The following PITPNM2 variants were observed in gnomAD, a reference collection of about 807,000 sequenced individuals.
The protein encoded by PITPNM2 is phosphatidylinositol transfer protein membrane associated 2.
A neutral mutation model predicts 132.2 loss-of-function variants in PITPNM2; 35 were observed. The ratio of observed to expected loss-of-function variants is 0.26; its 90% CI spans 0.20 to 0.35. The LOEUF is 0.35. Among genes scored for constraint, PITPNM2 ranks in the 10% least tolerant of loss-of-function variants. PITPNM2 has a pLI of 1.00. For synonymous variants in PITPNM2, 738 were observed against 799.2 expected, an observed-to-expected ratio of 0.92 and a Z score of 1.29; for missense variants, 1,332 against 1,912.0, an observed-to-expected ratio of 0.70 and a Z score of 5.66.
intron 2 of PITPNM2, among the ~76,000 whole-genome samples, chr12:123,109,378 A>G (rs2042787418): frequency 6.6e-6 from 1 of 152,216 alleles, no homozygotes; most frequent in African/African-American, 2.4e-5. Flanking sequence ...TTGGGAGGCC[A>G]GGGGCTCCTG....
chr12:123,131,294 T>C (rs931249597), intron 1 of PITPNM2, among the ~76,000 whole-genome samples: 3 of 152,058 alleles, frequency 2.0e-5, no homozygotes, highest in Non-Finnish European at 4.4e-5. Flanking sequence ...GAGACAACCA[T>C]GTGACAACTT....
chr12:123,078,422 T>C lies in PITPNM2; in HGVS notation c.-96+31963A>G, dbSNP rs879660631. 1.3e-5 allele frequency among the ~76,000 whole-genome samples: 2 copies of C among 152,106 alleles called. No individual in the cohort carries two copies. Among genetic ancestry groups the C allele is most frequent in the Admixed American group, 6.5e-5 (1 of 15,270 alleles). ...GGCTTTCTCGCCTGGCTCGTGGTGC[T>C]CCGCTGCCCCAAGAGCCTGGGCCCT... On this transcript the variant is annotated intron_variant, in intron 2 of 25. Transcript: ENST00000320201. The surrounding 1 kb of genome is among the most constrained non-coding windows in gnomAD (Gnocchi z 7.3).
At chr12:123,147,856 C>T (rs1413582846) in intron 1 of PITPNM2, among the ~76,000 whole-genome samples, 1 of 152,172 alleles carries the variant, frequency 6.6e-6, no homozygotes, top group Non-Finnish European at 1.5e-5. Context: ...ACAACCTACC[C>T]TGCACAGTGT....
intron 1 of PITPNM2, among the ~76,000 whole-genome samples, chr12:123,146,934 G>A (rs1023403565): frequency 4.6e-5 from 7 of 152,138 alleles, no homozygotes; most frequent in African/African-American, 1.7e-4. Context: ...GGCCCTCCCA[G>A]CTCCAGTCTT....
chr12:123,058,337 C>T lies in PITPNM2; in HGVS notation c.-95-23652G>A, dbSNP rs2041112695. Reference sequence around the variant, plus strand: ...CTCTAATTTGCCTTCTGCCTCCATCCCTTTTGATTCTGGCCCTCACCAGCA... The same window carrying T: ...CTCTAATTTGCCTTCTGCCTCCATCTCTTTTGATTCTGGCCCTCACCAGCA... On this transcript the variant is annotated intron_variant, in intron 2 of 25. Transcript: ENST00000320201. The surrounding 1 kb of genome is among the most constrained non-coding windows in gnomAD (Gnocchi z 4.0). 6.6e-6 allele frequency among the ~76,000 whole-genome samples: 1 copy of T among 152,212 alleles called. No individual in the cohort carries two copies. The highest frequency in any genetic ancestry group is 2.1e-4 in the South Asian group (1 of 4,832).
rs149616234 is a variant in PITPNM2, at chr12:123,105,034, C to T, written c.-96+5351G>A. 1.2e-3 allele frequency among the ~76,000 whole-genome samples: 177 copies of T among 152,288 alleles called. 1 individual carries two copies. Among genetic ancestry groups the T allele is most frequent in the Middle Eastern group, 3.4e-3 (1 of 294 alleles). On this transcript the variant is annotated intron_variant, in intron 2 of 25. Coordinates refer to ENST00000320201, the MANE Select transcript of PITPNM2 (RefSeq NM_020845.3). The stretch of plus-strand genomic sequence containing the variant: ...CCCTCAATATTCTCTGACCTCCTCC[C>T]CTGCTTCTCTTCCCCTCATTCACTC...
chr12:123,149,368 C>T (rs1275019486), intron 1 of PITPNM2, among the ~76,000 whole-genome samples: 3 of 152,226 alleles, frequency 2.0e-5, no homozygotes, highest in African/African-American at 7.2e-5. Flanking sequence ...AGAAAAACAG[C>T]CCTTCCTAAC....
chr12:123,029,455 G>A (rs930697187), intron 3 of PITPNM2, among the ~76,000 whole-genome samples: 8 of 152,258 alleles, frequency 5.3e-5, no homozygotes, highest in African/African-American at 1.2e-4. Flanking sequence ...GCATGGAGGC[G>A]GGCACCTGTA....
intron 1 of PITPNM2, among the ~76,000 whole-genome samples, chr12:123,114,715 A>T (rs765989268): frequency 6.6e-6 from 1 of 152,034 alleles, no homozygotes; most frequent in Non-Finnish European, 1.5e-5. Flanking sequence ...TGGTTTCCCT[A>T]TCTAAAAAAG....
rs571590068 is a variant in PITPNM2 at position 123,078,479 on chromosome 12, TGAAGTCG to T, written c.-96+31899_-96+31905del. On this transcript the variant is annotated intron_variant, in intron 2 of 25. Transcript: ENST00000320201. This position sits in a 1 kb window ranked among gnomAD's most constrained non-coding sequence, Gnocchi z 7.3. ...CACGCCACGATGCCCAGCCAGAGCC[TGAAGTCG>T]GGACCCCAGAGACTAAAGTGACCCT... Among the ~76,000 whole-genome samples the T allele has an allele frequency of 1.2e-3, 188 of 152,312 alleles. 1 individual carries two copies. Among genetic ancestry groups the T allele is most frequent in the African/African-American group, 4.3e-3 (178 of 41,574 alleles).
At position 122,992,392 on chromosome 12, in the gene PITPNM2, G is replaced by T; in HGVS notation, c.2404+107C>A. 4 of 1,319,106 alleles carry T rather than the reference G, an allele frequency of 3.0e-6. No individual in the cohort carries two copies. Among genetic ancestry groups the T allele is most frequent in the Non-Finnish European group, 4.1e-6 (4 of 981,338 alleles). The allele number at this position is 1,319,106 out of a possible 1,614,324, so 81.7% of individuals were successfully genotyped here. Reference sequence around the variant, plus strand: ...CTCCAAGAGGCATTCAGCACAAGCTGTCCCTCTCACCTGGGGAAGAACCAC... The same window carrying T: ...CTCCAAGAGGCATTCAGCACAAGCTTTCCCTCTCACCTGGGGAAGAACCAC... On this transcript the variant is annotated intron_variant, in intron 16 of 25. Transcript: ENST00000320201. The surrounding 1 kb of genome is among the most constrained non-coding windows in gnomAD (Gnocchi z 6.5).
chr12:123,143,301 G>A (rs2043545756), intron 1 of PITPNM2, among the ~76,000 whole-genome samples: 1 of 152,166 alleles, frequency 6.6e-6, no homozygotes, highest in South Asian at 2.1e-4. Flanking sequence ...AATCCCAGGA[G>A]GACAACAGAA....
At chr12:123,027,645 G>A (rs564762933) in intron 3 of PITPNM2, among the ~76,000 whole-genome samples, 11 of 152,364 alleles carry the variant, frequency 7.2e-5, no homozygotes, top group Non-Finnish European at 1.5e-4. Flanking sequence ...TGATTCAGTC[G>A]GCTGTGGAGG....
chr12:123,072,516 C>T (rs2136919293), intron 2 of PITPNM2, among the ~76,000 whole-genome samples: 1 of 152,336 alleles, frequency 6.6e-6, no homozygotes, highest in East Asian at 1.9e-4. Context: ...CCAAGACACA[C>T]CTACCATTTG....
chr12:123,065,063 G>T (rs896781807), intron 2 of PITPNM2, among the ~76,000 whole-genome samples: 10 of 152,186 alleles, frequency 6.6e-5, no homozygotes, highest in Non-Finnish European at 1.3e-4. Flanking sequence ...CCCCCATTCT[G>T]CAGGCACTTG....
chr12:122,986,380 G>A (rs1259663477), intron 25 of PITPNM2, 30 bp from the exon 26 acceptor site: 1 of 1,574,766 alleles, frequency 6.4e-7, no homozygotes, highest in Non-Finnish European at 8.6e-7. Flanking sequence ...GGCTGTCACA[G>A]GCTGGGGCTC....
chr12:123,055,495 G>A (rs952936615), intron 2 of PITPNM2, among the ~76,000 whole-genome samples: 1 of 152,230 alleles, frequency 6.6e-6, no homozygotes, highest in Non-Finnish European at 1.5e-5. Context: ...CACCAAGCTG[G>A]CTGGGTGCTA....
intron 2 of PITPNM2, among the ~76,000 whole-genome samples, chr12:123,059,723 G>C (rs2041170161): frequency 6.6e-6 from 1 of 152,208 alleles, no homozygotes; most frequent in East Asian, 1.9e-4. Context: ...CCAGAGTCTG[G>C]TGTATGCCTG....
At chr12:123,109,353 G>T (rs1304507702) in intron 2 of PITPNM2, among the ~76,000 whole-genome samples, 1 of 152,202 alleles carries the variant, frequency 6.6e-6, no homozygotes, top group African/African-American at 2.4e-5. Context: ...AAAGAAATAC[G>T]AAATGGAAAG....
Sources: allele counts gnomAD v4.1 joint callset (sites outside exome capture counted in the v4.1 genomes callset), GRCh38; gene constraint gnomAD v4.1.1; non-coding constraint Gnocchi (gnomAD v3.1); transcripts MANE v1.5; gene names NCBI Gene and HGNC (gene_info 2026-07-23, HGNC 2026-07-21).